RFX4: variants seen among roughly 807,000 people sequenced by gnomAD.
RFX4 encodes the protein regulatory factor X4.
A neutral mutation model predicts 95.0 loss-of-function variants in RFX4; 10 were observed. The ratio of observed to expected loss-of-function variants is 0.11; its 90% CI spans 0.06 to 0.18. The LOEUF is 0.18. Among genes scored for constraint, RFX4 ranks in the 10% least tolerant of loss-of-function variants. The pLI is 1.00. For synonymous variants in RFX4, 321 were observed against 340.7 expected (o/e 0.94, Z 0.64); for missense variants, 640 against 922.0 (o/e 0.69, Z 3.96).
At position 106,761,839 on chromosome 12, in the gene RFX4, TTG is replaced by T. The variant is rs1274439492; in HGVS notation, c.*371_*372del. 2 of 153,400 alleles carry T rather than the reference TTG, an allele frequency of 1.3e-5. No homozygotes were observed. Among genetic ancestry groups the T allele is most frequent in the African/African-American group, 4.8e-5 (2 of 41,480 alleles). 9.5% of individuals were successfully genotyped at this position (153,400 alleles called of 1,614,324 possible). ...TCCTGTTGACAAAATCTCTTTAGTC[TTG>T]AAGGATGGATACTGGAGACAGAATC... On this transcript the variant is annotated 3_prime_UTR_variant, in exon 18 of 18. Transcript: ENST00000392842.
At chr12:106,750,401 C>T (rs2042977500) in intron 16 of RFX4, among the ~76,000 whole-genome samples, 1 of 149,058 alleles carries the variant, frequency 6.7e-6, no homozygotes, top group Admixed American at 6.7e-5. Flanking sequence ...CATTTGAACC[C>T]AGGAGGCGGA....
chr12:106,607,540 C>G (rs1030740415), intron 1 of RFX4, among the ~76,000 whole-genome samples: 4 of 107,068 alleles, frequency 3.7e-5, no homozygotes, highest in Non-Finnish European at 5.0e-5. Flanking sequence ...GTGTGTTCTG[C>G]ATATTTCTGT....
Position 106,762,182 on chromosome 12 carries a change from T to A in RFX4, c.*713T>A, listed in dbSNP as rs1196872105. 1 of 152,662 alleles carries A rather than the reference T, an allele frequency of 6.6e-6. No individual in the cohort carries two copies. The highest frequency in any genetic ancestry group is 2.4e-5 in the African/African-American group (1 of 41,456). 9.5% of individuals were successfully genotyped at this position (152,662 alleles called of 1,614,324 possible). ...TTTGTAGGAGACTGGTTCTTCTACA[T>A]ACAAGGATTTGTCTTAAGTTTGCAC... is the stretch of plus-strand genomic sequence containing the variant. On this transcript the variant is annotated 3_prime_UTR_variant, in exon 18 of 18. Transcript: ENST00000392842.
intron 2 of RFX4, among the ~76,000 whole-genome samples, chr12:106,625,279 C>T (rs149944791): frequency 2.8e-4 from 43 of 152,212 alleles, no homozygotes; most frequent in African/African-American, 9.4e-4. Context: ...TCAGTTGATT[C>T]GCTAGAGATT....
chr12:106,760,632 ATTG>A (rs1482467894), intron 17 of RFX4, among the ~76,000 whole-genome samples: 1 of 152,200 alleles, frequency 6.6e-6, no homozygotes, highest in Non-Finnish European at 1.5e-5. Flanking sequence ...AACCTTCGAA[ATTG>A]TTGACTTGCT....
chr12:106,605,737 A>G (rs2039817303), intron 1 of RFX4, among the ~76,000 whole-genome samples: 1 of 152,244 alleles, frequency 6.6e-6, no homozygotes, highest in African/African-American at 2.4e-5. Context: ...TGATGGGGGT[A>G]CTTCAACCAG....
intron 2 of RFX4, among the ~76,000 whole-genome samples, chr12:106,632,260 G>A (rs934074606): frequency 6.6e-6 from 1 of 152,112 alleles, no homozygotes; most frequent in Non-Finnish European, 1.5e-5. Flanking sequence ...AGAAGACCAG[G>A]CGCTGGGGCA....
chr12:106,755,906 G>C (rs2043099579), intron 17 of RFX4, among the ~76,000 whole-genome samples: 1 of 152,214 alleles, frequency 6.6e-6, no homozygotes, highest in Non-Finnish European at 1.5e-5. Flanking sequence ...AGCTAGATTT[G>C]CCTTAGAGGG....
intron 3 of RFX4, among the ~76,000 whole-genome samples, chr12:106,648,291 GT>G (rs1051633554): frequency 1.3e-5 from 2 of 152,130 alleles, no homozygotes; most frequent in Admixed American, 6.5e-5. Flanking sequence ...GTGTGTGTGG[GT>G]GGAAGGTGAC....
chr12:106,713,791 G>A (rs1328611905), intron 10 of RFX4, among the ~76,000 whole-genome samples: 1 of 152,036 alleles, frequency 6.6e-6, no homozygotes, highest in Admixed American at 6.5e-5. Flanking sequence ...TTCTAGGCAG[G>A]GTGCGGTGGC....
At chr12:106,675,246 C>T (rs2041368826) in intron 4 of RFX4, among the ~76,000 whole-genome samples, 1 of 152,120 alleles carries the variant, frequency 6.6e-6, no homozygotes, top group Admixed American at 6.6e-5. Flanking sequence ...GCCTGGCCAA[C>T]ATGGCAAAAC....
At chr12:106,603,582 C>T (rs969094433) in intron 1 of RFX4, among the ~76,000 whole-genome samples, 1 of 152,218 alleles carries the variant, frequency 6.6e-6, no homozygotes, top group Non-Finnish European at 1.5e-5. Context: ...GTAGGCAAAT[C>T]CCGTTGGGCA....
intron 1 of RFX4, among the ~76,000 whole-genome samples, chr12:106,605,524 T>A (rs1343737745): frequency 6.6e-6 from 1 of 152,208 alleles, no homozygotes; most frequent in Non-Finnish European, 1.5e-5. Context: ...CTTGAATGCA[T>A]GAGAACTCTA....
At chr12:106,725,722 A>G (rs889666346) in intron 13 of RFX4, among the ~76,000 whole-genome samples, 5 of 152,180 alleles carry the variant, frequency 3.3e-5, no homozygotes, top group Non-Finnish European at 5.9e-5. Context: ...GTTAAATGGA[A>G]AAGAAGAATT....
At chr12:106,711,561 G>A (rs778836014) in intron 10 of RFX4, 50 bp downstream of exon 10, 1 of 1,536,988 alleles carries the variant, frequency 6.5e-7, no homozygotes, top group Non-Finnish European at 9.0e-7. Flanking sequence ...CATTGCAAAT[G>A]AGGGGGCAAA....
At chr12:106,634,566 T>C (rs2040475990) in intron 2 of RFX4, among the ~76,000 whole-genome samples, 1 of 152,218 alleles carries the variant, frequency 6.6e-6, no homozygotes, top group African/African-American at 2.4e-5. Flanking sequence ...GATAATTAGA[T>C]TGTTAAACAT....
intron 17 of RFX4, among the ~76,000 whole-genome samples, chr12:106,751,708 T>A (rs1386110651): frequency 6.6e-6 from 1 of 152,076 alleles, no homozygotes; most frequent in East Asian, 1.9e-4. Context: ...CATTTTTTCA[T>A]GTGTTTTTTG....
At chr12:106,637,470 C>A (rs1013054505) in intron 2 of RFX4, among the ~76,000 whole-genome samples, 6 of 151,998 alleles carry the variant, frequency 3.9e-5, no homozygotes, top group African/African-American at 7.3e-5. Flanking sequence ...TTCATAGATA[C>A]CAATTCTTTT....
intron 2 of RFX4, among the ~76,000 whole-genome samples, chr12:106,618,602 T>C (rs1188480052): frequency 6.6e-6 from 1 of 152,052 alleles, no homozygotes; most frequent in African/African-American, 2.4e-5. Flanking sequence ...ATATGGTATA[T>C]CTTTTTCATC....
Sources: gnomAD v4.1 joint callset for allele counts (sites outside exome capture counted in the v4.1 genomes callset) on GRCh38, gnomAD v4.1.1 for gene constraint, MANE v1.5 for transcripts, NCBI Gene and HGNC (gene_info 2026-07-23, HGNC 2026-07-21) for gene names.